The following KIR3DL1 variants were observed in gnomAD, a reference collection of about 807,000 sequenced individuals.
KIR3DL1 encodes the protein killer cell immunoglobulin like receptor, three Ig domains and long cytoplasmic tail 1, also known as killer cell immunoglobulin-like receptor 3DL1.
In KIR3DL1, 50 loss-of-function variants were observed where a neutral mutation model predicts 40.3. The observed-to-expected ratio is 1.24, with a 90% confidence interval of 0.99 to 1.57. KIR3DL1 has a LOEUF of 1.57. KIR3DL1 is among the 40% of genes most tolerant of loss of function. KIR3DL1 has a pLI of 0.00. For synonymous variants in KIR3DL1, 257 were observed against 207.2 expected (o/e 1.24, Z -2.07); for missense variants, 661 against 559.9 (o/e 1.18, Z -1.82).
exon 4 of KIR3DL1, chr19:54,819,874 G>T (rs1436445455): frequency 1.2e-6 from 2 of 1,612,140 alleles, no homozygotes; most frequent in African/African-American, 1.3e-5. Flanking sequence ...ACAGATCCAT[G>T]ATGGGGTCTC....
intron 3 of KIR3DL1, 150 bp downstream of exon 3, chr19:54,818,749 G>A (rs2061486024): frequency 2.8e-6 from 3 of 1,063,472 alleles, no homozygotes; most frequent in African/African-American, 1.6e-5. Context: ...GTGCTGTGGT[G>A]GGAAGAATCA....
rs200040291 is a variant in KIR3DL1 at position 54,824,073 on chromosome 19, T to G, written c.950-955T>G. Among the ~76,000 whole-genome samples, 343 of 150,782 alleles carry G rather than the reference T, an allele frequency of 2.3e-3. 11 individuals are homozygous for G. Among genetic ancestry groups the G allele is most frequent in the African/African-American group, 4.7e-3 (189 of 40,564 alleles). ...CTCTTCACTTTCTTGGTTTATCTTT[T>G]GTGGTGCAGAAGTTGCTTGGTTTGA... On this transcript the variant is annotated intron_variant, in intron 5 of 8. Coordinates refer to ENST00000391728, the Ensembl canonical transcript of KIR3DL1.
exon 4 of KIR3DL1, chr19:54,819,839 C>G (rs2061541109): frequency 6.2e-7 from 1 of 1,611,972 alleles, no homozygotes; most frequent in Non-Finnish European, 8.5e-7. Flanking sequence ...GAGGGGATCT[C>G]TAAGGACCCC....
chr19:54,820,035 C>A (rs763203009), intron 4 of KIR3DL1, 23 bp downstream of exon 4: 3 of 1,601,330 alleles, frequency 1.9e-6, no homozygotes, highest in South Asian at 2.2e-5. Context: ...AGACATTGTT[C>A]TCATTGTCAC....
At chr19:54,817,254 A>C (rs2061394778) in intron 1 of KIR3DL1, among the ~76,000 whole-genome samples, 1 of 143,176 alleles carries the variant, frequency 7.0e-6, no homozygotes, top group African/African-American at 2.7e-5. Flanking sequence ...GAGTGGACTT[A>C]CCAGCCTGGA....
exon 3 of KIR3DL1, chr19:54,818,507 C>T: frequency 8.1e-6 from 13 of 1,611,372 alleles, no homozygotes; most frequent in Non-Finnish European, 1.0e-5. Context: ...GTGACCACAG[C>T]ACATGCAGGG....
chr19:54,825,064 C>G, exon 6 of KIR3DL1: 2 of 1,529,624 alleles, frequency 1.3e-6, no homozygotes, highest in Non-Finnish European at 1.8e-6. Context: ...CCCACAGAAC[C>G]AAGCTCCAAA....
chr19:54,819,758 T>A, exon 4 of KIR3DL1: 1 of 1,610,390 alleles, frequency 6.2e-7, no homozygotes, highest in Non-Finnish European at 8.5e-7. Flanking sequence ...GGTCCCCTGG[T>A]GAAATCAGGA....
rs1434886374 is a variant in KIR3DL1, at chr19:54,825,027, G to C, written c.950-1G>C. ...CACATCTCTCCTGTCCCATGTTCTAGGAAACCCTTCAAGTAGTTGGCCTTC... is the reference window on the plus strand; with the variant it reads ...CACATCTCTCCTGTCCCATGTTCTACGAAACCCTTCAAGTAGTTGGCCTTC... On this transcript the variant is annotated splice_acceptor_variant, in intron 5 of 8. Coordinates refer to ENST00000391728, the Ensembl canonical transcript of KIR3DL1. LOFTEE classifies it high-confidence loss of function. The C allele has an allele frequency of 1.0e-5, 15 of 1,505,344 alleles. 1 individual carries two copies. The highest frequency in any genetic ancestry group is 1.4e-5 in the Non-Finnish European group (15 of 1,086,274). The allele number at this position is 1,505,344 out of a possible 1,614,324, so 93.2% of individuals were successfully genotyped here. A position where few individuals can be genotyped will look rare whatever the true frequency, so the allele number is the denominator to read the frequency against.
exon 7 of KIR3DL1, chr19:54,829,381 A>G (rs45551936): frequency 0.18 from 250,853 of 1,395,332 alleles, 48,502 homozygotes; most frequent in Middle Eastern, 0.2. Context: ...ACACCTGCAC[A>G]TTCTGATTGG....
intron 5 of KIR3DL1, among the ~76,000 whole-genome samples, chr19:54,823,313 A>G (rs2061729824): frequency 6.6e-6 from 1 of 151,172 alleles, no homozygotes; most frequent in Admixed American, 6.6e-5. Context: ...CTGAAGTTAC[A>G]GGCATAAGCC....
At chr19:54,825,535 G>A (rs370971358) in intron 6 of KIR3DL1, among the ~76,000 whole-genome samples, 1 of 149,974 alleles carries the variant, frequency 6.7e-6, no homozygotes, top group Non-Finnish European at 1.5e-5. Flanking sequence ...ACAGAGAACA[G>A]AGCTCATGCA....
At chr19:54,828,409 T>C (rs1266426473) in intron 6 of KIR3DL1, among the ~76,000 whole-genome samples, 2 of 151,062 alleles carry the variant, frequency 1.3e-5, no homozygotes, top group African/African-American at 2.5e-5. Flanking sequence ...TCACCGTCAC[T>C]CCAGGGAGAC....
At position 54,822,837 on chromosome 19, in the gene KIR3DL1, G is replaced by T. The variant is rs74196973; in HGVS notation, c.949+979G>T. 9.3e-5 allele frequency among the ~76,000 whole-genome samples: 13 copies of T among 140,160 alleles called. 2 individuals are homozygous for T. In the East Asian group the frequency reaches 2.0e-3, roughly 22 times the overall value. 92.0% of individuals were successfully genotyped at this position (140,160 alleles called of 152,430 possible). A position where few individuals can be genotyped will look rare whatever the true frequency, so the allele number is the denominator to read the frequency against. ...ATGTTATTGTTTCTATGGATGAGTAGTCTCCACTGTGTGTGTGTACCACAG... is the reference window on the plus strand; with the variant it reads ...ATGTTATTGTTTCTATGGATGAGTATTCTCCACTGTGTGTGTGTACCACAG... On this transcript the variant is annotated intron_variant, in intron 5 of 8. Coordinates refer to ENST00000391728, the Ensembl canonical transcript of KIR3DL1.
chr19:54,825,022 T>C lies in KIR3DL1; in HGVS notation c.950-6T>C. 14 of 1,502,726 alleles carry C rather than the reference T, an allele frequency of 9.3e-6. 3 individuals carry two copies. Among genetic ancestry groups the C allele is most frequent in the Non-Finnish European group, 1.3e-5 (14 of 1,084,262 alleles). 93.1% of individuals were successfully genotyped at this position (1,502,726 alleles called of 1,614,324 possible). ...TTCCTCACATCTCTCCTGTCCCATG[T>C]TCTAGGAAACCCTTCAAGTAGTTGG... On this transcript the variant is annotated splice_polypyrimidine_tract_variant and splice_region_variant and intron_variant, in intron 5 of 8. Coordinates refer to ENST00000391728, the Ensembl canonical transcript of KIR3DL1.
chr19:54,829,536 T>C, intron 7 of KIR3DL1, 71 bp downstream of exon 7: 2 of 1,224,396 alleles, frequency 1.6e-6, no homozygotes, highest in Non-Finnish European at 2.3e-6. Context: ...CACACAGCTG[T>C]GTGTTCCTCA....
At chr19:54,826,280 T>C (rs1601406201) in intron 6 of KIR3DL1, among the ~76,000 whole-genome samples, 1 of 150,080 alleles carries the variant, frequency 6.7e-6, no homozygotes, top group Admixed American at 6.6e-5. Flanking sequence ...GAATGATCCA[T>C]TGGGAAGCAT....
In KIR3DL1 at chr19:54,818,220, C is replaced by T. The variant is rs2148068026; in HGVS notation, c.71-95C>T. The stretch of plus-strand genomic sequence containing the variant: ...CTGGGCACCCAGGTGTGGTAGGAGC[C>T]TTAGAAAGTGGAAATGGGGAGAATC... On this transcript the variant is annotated intron_variant, in intron 2 of 8. Coordinates refer to ENST00000391728, the Ensembl canonical transcript of KIR3DL1. 3.6e-6 allele frequency: 5 copies of T among 1,404,454 alleles called. No individual in the cohort carries two copies. The South Asian group carries it at 6.2e-5, about 17-fold the overall frequency. 87.0% of individuals were successfully genotyped at this position (1,404,454 alleles called of 1,614,324 possible). A position where few individuals can be genotyped will look rare whatever the true frequency, so the allele number is the denominator to read the frequency against.
chr19:54,824,766 G>T (rs2061800341), intron 5 of KIR3DL1, among the ~76,000 whole-genome samples: 1 of 149,548 alleles, frequency 6.7e-6, no homozygotes, highest in Non-Finnish European at 1.5e-5. Flanking sequence ...CTTTCTTTAT[G>T]CCAATGTCAT....
Sources: gnomAD v4.1 joint callset for allele counts (sites outside exome capture counted in the v4.1 genomes callset) on GRCh38, gnomAD v4.1.1 for gene constraint, MANE v1.5 for transcripts, NCBI Gene and HGNC (gene_info 2026-07-23, HGNC 2026-07-21) for gene names.